The following GPR137C variants were observed in gnomAD, a reference collection of about 807,000 sequenced individuals.
GPR137C encodes integral membrane protein GPR137C.
In GPR137C, 27 loss-of-function variants were observed where a neutral mutation model predicts 43.4. The observed-to-expected ratio is 0.62, with a 90% CI of 0.46 to 0.86. The LOEUF (loss-of-function observed/expected upper bound fraction) is 0.86. Ranked by LOEUF, GPR137C falls within the 40% of genes least tolerant of loss-of-function variation. The pLI is 0.00. For missense variants in GPR137C, 522 were observed against 534.6 expected (o/e 0.98, Z 0.23); for synonymous variants, 285 against 226.9 (o/e 1.26, Z -2.30).
chr14:52,573,006 C>G (rs2038495249), intron 1 of GPR137C, among the ~76,000 whole-genome samples: 1 of 152,150 alleles, frequency 6.6e-6, no homozygotes, highest in Non-Finnish European at 1.5e-5. Flanking sequence ...CCTAGGAATA[C>G]AACCTACAAG....
chr14:52,553,740 G>A, intron 1 of GPR137C, 149 bp downstream of exon 1: 3 of 703,338 alleles, frequency 4.3e-6, no homozygotes, highest in Non-Finnish European at 6.9e-6. Context: ...CCTGGAGTGT[G>A]AGCCAGTGTT....
At chr14:52,554,566 C>T (rs1057228641) in intron 1 of GPR137C, among the ~76,000 whole-genome samples, 1 of 152,100 alleles carries the variant, frequency 6.6e-6, no homozygotes, top group Non-Finnish European at 1.5e-5. Flanking sequence ...TCCTCCTTCC[C>T]ACCAAAAGAA....
intron 3 of GPR137C, among the ~76,000 whole-genome samples, chr14:52,610,881 A>G (rs1294646283): frequency 6.6e-6 from 1 of 152,226 alleles, no homozygotes; most frequent in Non-Finnish European, 1.5e-5. Flanking sequence ...GGTCTCTGCT[A>G]GTAACCACCA....
chr14:52,619,245 C>T (rs2039132973), intron 3 of GPR137C, among the ~76,000 whole-genome samples: 1 of 152,048 alleles, frequency 6.6e-6, no homozygotes, highest in Admixed American at 6.5e-5. Flanking sequence ...TAACTTAGGC[C>T]ATAATTAAAG....
chr14:52,600,487 C>A, intron 3 of GPR137C, 146 bp downstream of exon 3: 1 of 590,258 alleles, frequency 1.7e-6, no homozygotes, highest in Non-Finnish European at 2.9e-6. Flanking sequence ...ATTAGTCAGG[C>A]TAGAGTGCAA....
intron 3 of GPR137C, 40 bp from the exon 4 acceptor site, chr14:52,632,120 T>G: frequency 6.8e-7 from 1 of 1,475,718 alleles, no homozygotes. Context: ...TCGTGACAAA[T>G]GTGTAGAATA....
chr14:52,600,077 G>C (rs1041837030), intron 2 of GPR137C, 36 bp from the exon 3 acceptor site: 27 of 1,356,936 alleles, frequency 2.0e-5, no homozygotes, highest in Non-Finnish European at 2.4e-5. Context: ...TTTCTTATTA[G>C]TTATATAACC....
At chr14:52,628,280 G>A (rs534932451) in intron 3 of GPR137C, among the ~76,000 whole-genome samples, 34 of 152,252 alleles carry the variant, frequency 2.2e-4, no homozygotes, top group Middle Eastern at 3.4e-3. Flanking sequence ...AACTAGTGGT[G>A]CTGAAGCAAC....
chr14:52,589,352 A>G (rs1267935098), intron 1 of GPR137C, among the ~76,000 whole-genome samples: 2 of 152,150 alleles, frequency 1.3e-5, no homozygotes, highest in Non-Finnish European at 2.9e-5. Context: ...ATGCCACTGA[A>G]CCATACACTA....
intron 1 of GPR137C, 122 bp downstream of exon 1, chr14:52,553,713 G>T (rs765221976): frequency 8.6e-6 from 7 of 811,948 alleles, no homozygotes; most frequent in Non-Finnish European, 1.3e-5. Context: ...AAACCAGCCT[G>T]GGGAAACTGA....
chr14:52,576,396 C>A (rs2038552553), intron 1 of GPR137C, among the ~76,000 whole-genome samples: 3 of 152,160 alleles, frequency 2.0e-5, no homozygotes, highest in African/African-American at 7.2e-5. Flanking sequence ...GATTCTGTAT[C>A]TTTGCTATTA....
chr14:52,628,667 G>A (rs1405002999), intron 3 of GPR137C, among the ~76,000 whole-genome samples: 1 of 151,930 alleles, frequency 6.6e-6, no homozygotes, highest in Non-Finnish European at 1.5e-5. Context: ...GTGGTGGCAG[G>A]CACCTGTAAT....
intron 1 of GPR137C, among the ~76,000 whole-genome samples, chr14:52,559,580 A>G (rs759562657): frequency 1.9e-4 from 29 of 152,064 alleles, no homozygotes; most frequent in Non-Finnish European, 4.3e-4. Context: ...AGCATCTTCA[A>G]AAAGCCTATA....
At chr14:52,588,835 T>G (rs1486390074) in intron 1 of GPR137C, among the ~76,000 whole-genome samples, 1 of 152,190 alleles carries the variant, frequency 6.6e-6, no homozygotes, top group African/African-American at 2.4e-5. Flanking sequence ...CATAGGAGAA[T>G]TTTCATCTTT....
intron 1 of GPR137C, among the ~76,000 whole-genome samples, chr14:52,557,083 T>G (rs1389257890): frequency 6.6e-6 from 1 of 152,200 alleles, no homozygotes; most frequent in African/African-American, 2.4e-5. Context: ...ACAGGTTCAT[T>G]TGATTTTGTT....
chr14:52,576,132 G>A (rs2038547564), intron 1 of GPR137C, among the ~76,000 whole-genome samples: 2 of 152,282 alleles, frequency 1.3e-5, no homozygotes, highest in South Asian at 2.1e-4. Context: ...ATGGCCCAAG[G>A]CCCCAGATAA....
intron 1 of GPR137C, among the ~76,000 whole-genome samples, chr14:52,566,655 A>G (rs2038374742): frequency 6.6e-6 from 1 of 152,234 alleles, no homozygotes; most frequent in Admixed American, 6.5e-5. Flanking sequence ...CTTTTGCCCA[A>G]AGTAGAAAAA....
At position 52,610,425 on chromosome 14, in the gene GPR137C, G is replaced by GAGTAC. The variant is rs566149372; in HGVS notation, c.717+10091_717+10095dup. Among the ~76,000 whole-genome samples the GAGTAC allele has an allele frequency of 2.8e-3, 428 of 152,244 alleles. 1 individual carries two copies. Among genetic ancestry groups the GAGTAC allele is most frequent in the African/African-American group, 9.7e-3 (402 of 41,540 alleles). On this transcript the variant is annotated intron_variant, in intron 3 of 6. Transcript: ENST00000321662. ...AGTCAACCTCAGTCTGAAAATAGGTGAGTACAGTACAATAAAATATATTGA... is the reference window on the plus strand; with the variant it reads ...AGTCAACCTCAGTCTGAAAATAGGTGAGTACAGTACAGTACAATAAAATATATTGA...
intron 1 of GPR137C, among the ~76,000 whole-genome samples, chr14:52,566,204 C>T (rs187336584): frequency 6.6e-6 from 1 of 152,136 alleles, no homozygotes; most frequent in Non-Finnish European, 1.5e-5. Context: ...TCTTCTCTTA[C>T]AAAAACTCAA....
Sources: gnomAD v4.1 joint callset for allele counts (sites outside exome capture counted in the v4.1 genomes callset) on GRCh38, gnomAD v4.1.1 for gene constraint, MANE v1.5 for transcripts, NCBI Gene and HGNC (gene_info 2026-07-23, HGNC 2026-07-21) for gene names.